The following FRMD4B variants were observed in gnomAD, a reference collection of about 807,000 sequenced individuals.
FRMD4B encodes the protein FERM domain-containing protein 4B.
FRMD4B carries 74 observed loss-of-function variants against 141.5 expected under a neutral mutation model. That is an observed-to-expected ratio of 0.52 (90% CI 0.43 to 0.63). The LOEUF is 0.63. FRMD4B is among the 30% of genes least tolerant of loss of function. FRMD4B has a pLI of 0.00. For synonymous variants in FRMD4B, 506 were observed against 467.9 expected (o/e 1.08, Z -1.05); for missense variants, 1,366 against 1,253.4 (o/e 1.09, Z -1.36).
At chr3:69,456,206 C>A (rs949474577) in intron 1 of FRMD4B, among the ~76,000 whole-genome samples, 5 of 151,696 alleles carry the variant, frequency 3.3e-5, no homozygotes, top group Middle Eastern at 3.4e-3. Flanking sequence ...ATGACACTTT[C>A]ATTTCACTTT....
At chr3:69,198,828 C>G (rs191989782) in intron 11 of FRMD4B, 54 bp from the exon 12 acceptor site, 2 of 842,164 alleles carry the variant, frequency 2.4e-6, no homozygotes, top group East Asian at 5.3e-5. Flanking sequence ...TTTACTAATT[C>G]TATAAATCAG....
chr3:69,399,388 A>G (rs1433502362), intron 2 of FRMD4B, among the ~76,000 whole-genome samples: 2 of 152,242 alleles, frequency 1.3e-5, no homozygotes, highest in Non-Finnish European at 2.9e-5. Context: ...CTGCTTCGAC[A>G]GGCAATCCTA....
intron 5 of FRMD4B, among the ~76,000 whole-genome samples, chr3:69,253,183 A>ATTTTTTTTTTTTTTTTTTTTTTTTTTTT (rs5849890): frequency 7.7e-6 from 1 of 129,890 alleles, no homozygotes; most frequent in African/African-American, 3.0e-5. Flanking sequence ...TATGATTCCT[A>ATTTTTTTTTTTTTTTTTTTTTTTTTTTT]TTTTTTTTTT....
intron 9 of FRMD4B, among the ~76,000 whole-genome samples, chr3:69,218,699 T>G (rs2093164722): frequency 6.6e-6 from 1 of 152,184 alleles, no homozygotes; most frequent in Non-Finnish European, 1.5e-5. Context: ...AAGCCCCTAA[T>G]GATGCAAGCT....
chr3:69,525,608 A>G (rs1700920308), intron 1 of FRMD4B, among the ~76,000 whole-genome samples: 1 of 152,122 alleles, frequency 6.6e-6, no homozygotes, highest in South Asian at 2.1e-4. Context: ...TTCTTTATAA[A>G]TGGTAGCCTG....
At chr3:69,215,927 G>A (rs1392812201) in intron 11 of FRMD4B, among the ~76,000 whole-genome samples, 1 of 151,748 alleles carries the variant, frequency 6.6e-6, no homozygotes, top group Non-Finnish European at 1.5e-5. Flanking sequence ...GCCAAGGTGG[G>A]CAGATCACTT....
At chr3:69,320,111 C>T (rs1163287351) in intron 1 of FRMD4B, among the ~76,000 whole-genome samples, 6 of 152,148 alleles carry the variant, frequency 3.9e-5, no homozygotes, top group Non-Finnish European at 7.3e-5. Context: ...CAGACCTGGG[C>T]TTAAAAGTCA....
In FRMD4B at chr3:69,212,414, T is replaced by C. The variant is rs1252860112; in HGVS notation, c.876+3849A>G. 1.3e-4 allele frequency among the ~76,000 whole-genome samples: 8 copies of C among 62,144 alleles called. No homozygotes were observed. The Admixed American group carries it at 1.3e-3, about 10-fold the overall frequency. 40.8% of individuals were successfully genotyped at this position (62,144 alleles called of 152,430 possible). A position where few individuals can be genotyped will look rare whatever the true frequency, so the allele number is the denominator to read the frequency against. On this transcript the variant is annotated intron_variant, in intron 11 of 22. Transcript: ENST00000398540. ...AAAAGAAAAAAAAGAAAAAAAGCGA[T>C]AACAAAAGATGGACTGTGTAGGGTC...
intron 1 of FRMD4B, among the ~76,000 whole-genome samples, chr3:69,504,684 C>A (rs1157092178): frequency 6.6e-6 from 1 of 152,106 alleles, no homozygotes; most frequent in Non-Finnish European, 1.5e-5. Flanking sequence ...AACAGATATA[C>A]CACATTTTAT....
At chr3:69,536,375 G>C in intron 1 of FRMD4B, 1 of 702,746 alleles carries the variant, frequency 1.4e-6, no homozygotes, top group Non-Finnish European at 2.6e-6. Context: ...CTGGCGAGGA[G>C]GCTGCGGCAC....
At chr3:69,463,628 C>T (rs1575811230) in intron 1 of FRMD4B, among the ~76,000 whole-genome samples, 1 of 152,178 alleles carries the variant, frequency 6.6e-6, no homozygotes, top group African/African-American at 2.4e-5. Context: ...CTTGAGATGA[C>T]ACAATGTAAT....
intron 1 of FRMD4B, among the ~76,000 whole-genome samples, chr3:69,348,575 A>C (rs773698796): frequency 2.0e-5 from 3 of 152,206 alleles, no homozygotes; most frequent in Non-Finnish European, 2.9e-5. Flanking sequence ...CATCGATGCA[A>C]AGATCCTCAG....
chr3:69,535,239 T>C (rs1204764701), intron 1 of FRMD4B, among the ~76,000 whole-genome samples: 1 of 152,168 alleles, frequency 6.6e-6, no homozygotes, highest in African/African-American at 2.4e-5. Flanking sequence ...TGTCCTGCCT[T>C]CTTATAAAAT....
chr3:69,478,316 T>G (rs1241660221), intron 1 of FRMD4B, among the ~76,000 whole-genome samples: 1 of 152,244 alleles, frequency 6.6e-6, no homozygotes, highest in Non-Finnish European at 1.5e-5. Context: ...ATTTTGGATC[T>G]TTCCTGCTTT....
At chr3:69,472,923 T>G (rs948142414) in intron 1 of FRMD4B, among the ~76,000 whole-genome samples, 1 of 136,820 alleles carries the variant, frequency 7.3e-6, no homozygotes, top group Non-Finnish European at 1.5e-5. Context: ...AAGTGAGTCT[T>G]TCTTTTTTTT....
chr3:69,243,573 G>A (rs963224414), intron 7 of FRMD4B, among the ~76,000 whole-genome samples: 2 of 152,204 alleles, frequency 1.3e-5, no homozygotes, highest in South Asian at 2.1e-4. Context: ...AATCTATGTC[G>A]TAGGAAGGTA....
At position 69,502,218 on chromosome 3, in the gene FRMD4B, T is replaced by C. The variant is rs535216692; in HGVS notation, c.-129+39988A>G. On this transcript the variant is annotated intron_variant, in intron 1 of 5. Coordinates refer to the FRMD4B transcript ENST00000459638. ...TATGGAATCAAAAAAGAGCCTGCAT[T>C]GCCAAGTCAATCCTAACCCAAAAGA... Among the ~76,000 whole-genome samples the C allele has an allele frequency of 7.1e-4, 108 of 152,288 alleles. 1 individual carries two copies. In the South Asian group the frequency reaches 0.022, roughly 31 times the overall value.
chr3:69,285,178 A>C (rs558189659), intron 5 of FRMD4B, among the ~76,000 whole-genome samples: 3 of 152,288 alleles, frequency 2.0e-5, no homozygotes, highest in African/African-American at 7.2e-5. Flanking sequence ...AATAAAACAA[A>C]ACAAAAAAAC....
intron 1 of FRMD4B, among the ~76,000 whole-genome samples, chr3:69,320,025 C>T (rs1269670188): frequency 2.6e-5 from 4 of 152,132 alleles, no homozygotes; most frequent in African/African-American, 7.2e-5. Flanking sequence ...TAGACGGTAT[C>T]TATTAACCAC....
Sources: gnomAD v4.1 joint callset for allele counts (sites outside exome capture counted in the v4.1 genomes callset) on GRCh38, gnomAD v4.1.1 for gene constraint, MANE v1.5 for transcripts, NCBI Gene and HGNC (gene_info 2026-07-23, HGNC 2026-07-21) for gene names.